PSD3: variants seen among roughly 807,000 people sequenced by gnomAD.
PSD3 encodes the protein PH and SEC7 domain-containing protein 3.
Under a neutral mutation model 105.5 loss-of-function variants are expected in PSD3, and 49 were observed. The observed-to-expected ratio is 0.46, with a 90% confidence interval of 0.37 to 0.59. PSD3 has a LOEUF of 0.59. Ranked by LOEUF, PSD3 falls within the 20% of genes least tolerant of loss-of-function variation. The pLI is 0.00. For missense variants in PSD3, 1,561 were observed against 1,263.8 expected, an observed-to-expected ratio of 1.24 and a Z score of -3.57; for synonymous variants, 557 against 457.8, an observed-to-expected ratio of 1.22 and a Z score of -2.77.
At chr8:18,909,880 G>A (rs760319366) in intron 2 of PSD3, among the ~76,000 whole-genome samples, 8 of 152,058 alleles carry the variant, frequency 5.3e-5, no homozygotes, top group Admixed American at 2.0e-4. Context: ...TACTTCTATC[G>A]TATTCCTGAC....
intron 1 of PSD3, among the ~76,000 whole-genome samples, chr8:18,942,417 A>G (rs17468891): frequency 0.18 from 27,142 of 152,126 alleles, 2,627 homozygotes; most frequent in African/African-American, 0.26. Context: ...TTAAGTGCAG[A>G]CAGGGACAAG....
At chr8:18,809,693 A>C (rs1811528170) in intron 4 of PSD3, among the ~76,000 whole-genome samples, 1 of 152,312 alleles carries the variant, frequency 6.6e-6, no homozygotes, top group African/African-American at 2.4e-5. Flanking sequence ...GAATTCCAAT[A>C]ATGGTGTTCC....
At chr8:19,010,771 A>T (rs1826915192) in intron 1 of PSD3, among the ~76,000 whole-genome samples, 1 of 152,126 alleles carries the variant, frequency 6.6e-6, no homozygotes, top group East Asian at 1.9e-4. Context: ...TTTCACATGG[A>T]TCCTGTACTC....
chr8:18,609,117 T>C (rs1805071354), intron 11 of PSD3, among the ~76,000 whole-genome samples: 1 of 152,184 alleles, frequency 6.6e-6, no homozygotes, highest in South Asian at 2.1e-4. Flanking sequence ...CTTTACTTCC[T>C]GTCTGTTGTC....
chr8:18,804,194 A>G (rs531061941), intron 6 of PSD3, among the ~76,000 whole-genome samples: 4 of 152,330 alleles, frequency 2.6e-5, no homozygotes, highest in Non-Finnish European at 4.4e-5. Flanking sequence ...AAAAATAAGA[A>G]ATCTAAAATG....
chr8:18,981,136 C>T (rs1484206777), intron 1 of PSD3, among the ~76,000 whole-genome samples: 1 of 152,142 alleles, frequency 6.6e-6, no homozygotes, highest in African/African-American at 2.4e-5. Context: ...CTGCTGGGCA[C>T]CTAGGCTGTA....
chr8:18,595,676 G>A (rs2130541613), intron 12 of PSD3, among the ~76,000 whole-genome samples: 1 of 152,028 alleles, frequency 6.6e-6, no homozygotes, highest in Non-Finnish European at 1.5e-5. Flanking sequence ...AAGAGAGAAA[G>A]AATGACATAT....
chr8:18,761,750 C>T (rs1003605157), intron 9 of PSD3, among the ~76,000 whole-genome samples: 2 of 152,214 alleles, frequency 1.3e-5, no homozygotes, highest in Non-Finnish European at 2.9e-5. Context: ...GCAGAACCTC[C>T]CCTTTCTCTT....
intron 9 of PSD3, among the ~76,000 whole-genome samples, chr8:18,672,166 G>A (rs1295617665): frequency 6.6e-6 from 1 of 151,990 alleles, no homozygotes; most frequent in Non-Finnish European, 1.5e-5. Flanking sequence ...TGCAATTTGA[G>A]AACATAGGAA....
At chr8:18,571,911 T>G (rs1387150440) in intron 14 of PSD3, among the ~76,000 whole-genome samples, 1 of 149,448 alleles carries the variant, frequency 6.7e-6, no homozygotes, top group Admixed American at 6.7e-5. Flanking sequence ...GGTAGTGTCC[T>G]TAGAAGAGTT....
intron 10 of PSD3, among the ~76,000 whole-genome samples, chr8:18,655,353 A>G (rs1370233873): frequency 6.6e-6 from 1 of 151,928 alleles, no homozygotes; most frequent in Non-Finnish European, 1.5e-5. Flanking sequence ...AAAAATTAAA[A>G]GACAATTAAT....
intron 2 of PSD3, among the ~76,000 whole-genome samples, chr8:18,899,145 C>T (rs1254015970): frequency 1.3e-5 from 2 of 152,080 alleles, no homozygotes; most frequent in African/African-American, 4.8e-5. Flanking sequence ...CGTCTTTTTC[C>T]TCATCATCTG....
chr8:18,967,968 C>G (rs1168618946), intron 1 of PSD3, among the ~76,000 whole-genome samples: 1 of 152,176 alleles, frequency 6.6e-6, no homozygotes, highest in African/African-American at 2.4e-5. Flanking sequence ...AAAAGGCTAG[C>G]AAAAGATCCA....
intron 2 of PSD3, among the ~76,000 whole-genome samples, chr8:18,898,369 T>A (rs914840864): frequency 6.6e-6 from 1 of 152,214 alleles, no homozygotes; most frequent in African/African-American, 2.4e-5. Flanking sequence ...CTTTGTCTCT[T>A]TTTACATGAG....
At chr8:18,928,708 T>TTTTCTTTCCTTCCTTCCTTGTTTCTTTC (rs1159844546) in intron 2 of PSD3, among the ~76,000 whole-genome samples, 1 of 151,820 alleles carries the variant, frequency 6.6e-6, no homozygotes, top group Non-Finnish European at 1.5e-5. Context: ...ATCTTTCTCT[T>TTTTCTTTCCTTCCTTCCTTGTTTCTTTC]TTTCTTTCCT....
intron 2 of PSD3, among the ~76,000 whole-genome samples, chr8:18,882,283 C>G (rs1818155131): frequency 6.6e-6 from 1 of 152,130 alleles, no homozygotes; most frequent in South Asian, 2.1e-4. Context: ...ATAAGCAAAA[C>G]ACTATATGTT....
rs1213591097 is a variant in PSD3 at position 18,531,523 on chromosome 8, T to C, written c.*4220A>G. ...ACGGGGTTATTCTGTGATGATTTGATCATGTAAGATGCTATAAGACTGGTG... is the reference window on the plus strand; with the variant it reads ...ACGGGGTTATTCTGTGATGATTTGACCATGTAAGATGCTATAAGACTGGTG... On this transcript the variant is annotated 3_prime_UTR_variant, in exon 16 of 16. Coordinates refer to ENST00000327040, the MANE Select transcript of PSD3 (RefSeq NM_015310.4). The C allele has an allele frequency of 6.6e-6, 1 of 152,234 alleles. No homozygotes were observed. The highest frequency in any genetic ancestry group is 2.4e-5 in the African/African-American group (1 of 41,452). The allele number at this position is 152,234 out of a possible 1,614,324, so 9.4% of individuals were successfully genotyped here.
At chr8:18,878,462 C>G (rs537864454) in intron 2 of PSD3, among the ~76,000 whole-genome samples, 3 of 152,292 alleles carry the variant, frequency 2.0e-5, no homozygotes, top group African/African-American at 7.2e-5. Context: ...ACCATTGCCT[C>G]TACACTGAAG....
chr8:18,772,414 A>C (rs905456195), intron 8 of PSD3, among the ~76,000 whole-genome samples: 1 of 152,130 alleles, frequency 6.6e-6, no homozygotes, highest in African/African-American at 2.4e-5. Flanking sequence ...GATAGCAATG[A>C]TCGTAGTGGG....
Sources: gnomAD v4.1 joint callset for allele counts (sites outside exome capture counted in the v4.1 genomes callset) on GRCh38, gnomAD v4.1.1 for gene constraint, MANE v1.5 for transcripts, NCBI Gene and HGNC (gene_info 2026-07-23, HGNC 2026-07-21) for gene names.